PAFAH1B1: variants seen among roughly 807,000 people sequenced by gnomAD.
PAFAH1B1 encodes platelet-activating factor acetylhydrolase IB subunit beta.
A neutral mutation model predicts 57.5 loss-of-function variants in PAFAH1B1; 2 were observed. That is an observed-to-expected ratio of 0.03 (90% CI 0.01 to 0.11). The LOEUF (loss-of-function observed/expected upper bound fraction) is 0.11. Ranked by LOEUF, PAFAH1B1 falls within the 10% of genes least tolerant of loss-of-function variation. PAFAH1B1 has a pLI of 1.00. For missense variants in PAFAH1B1, 257 were observed against 512.0 expected (o/e 0.50, Z 4.81); for synonymous variants, 152 against 169.6 (o/e 0.90, Z 0.81).
intron 2 of PAFAH1B1, among the ~76,000 whole-genome samples, chr17:2,644,602 C>G (rs1241798361): frequency 6.6e-6 from 1 of 152,228 alleles, no homozygotes; most frequent in East Asian, 1.9e-4. Context: ...TCTACTTATA[C>G]CTTAATGTAT....
At chr17:2,626,820 T>C (rs2068500219) in intron 1 of PAFAH1B1, among the ~76,000 whole-genome samples, 1 of 152,132 alleles carries the variant, frequency 6.6e-6, no homozygotes, top group Non-Finnish European at 1.5e-5. Flanking sequence ...CCCAGAGTGC[T>C]GGGATTACAG....
intron 2 of PAFAH1B1, among the ~76,000 whole-genome samples, chr17:2,650,849 G>A (rs968345422): frequency 3.9e-5 from 6 of 152,050 alleles, no homozygotes; most frequent in Non-Finnish European, 7.4e-5. Context: ...GTTTTCTGTT[G>A]TAGTGTTTAC....
At chr17:2,667,547 T>A in intron 5 of PAFAH1B1, 1 of 323,234 alleles carries the variant, frequency 3.1e-6, no homozygotes, top group South Asian at 2.7e-5. Flanking sequence ...ACTAACTGAG[T>A]TGATGTCAGT....
At chr17:2,626,699 C>G (rs966275573) in intron 1 of PAFAH1B1, among the ~76,000 whole-genome samples, 1 of 151,586 alleles carries the variant, frequency 6.6e-6, no homozygotes, top group African/African-American at 2.4e-5. Context: ...GGATTACATG[C>G]GCGTGCCACC....
chr17:2,661,238 T>C (rs537147749), intron 2 of PAFAH1B1, among the ~76,000 whole-genome samples: 7 of 152,356 alleles, frequency 4.6e-5, no homozygotes, highest in African/African-American at 1.7e-4. Context: ...CAAGAAATCT[T>C]TGCCCATGCC....
intron 4 of PAFAH1B1, 137 bp downstream of exon 4, chr17:2,666,227 A>G (rs2069105491): frequency 2.3e-6 from 2 of 881,266 alleles, no homozygotes; most frequent in African/African-American, 3.4e-5. Flanking sequence ...GTGCTTCATG[A>G]AAAGTATGAC....
intron 5 of PAFAH1B1, among the ~76,000 whole-genome samples, chr17:2,668,882 A>C (rs965692009): frequency 1.3e-5 from 2 of 150,750 alleles, no homozygotes; most frequent in African/African-American, 4.9e-5. Flanking sequence ...AGGCTGAGTC[A>C]GGAGAATGGC....
chr17:2,667,807 A>T lies in PAFAH1B1; in HGVS notation c.399+609A>T, dbSNP rs566203497. On this transcript the variant is annotated intron_variant, in intron 5 of 10. Transcript: ENST00000397195. ...TATAAATTACGTATTTCATTAAAAA[A>T]TTTTTTTCACAGTAAAAATATTATT... Among the ~76,000 whole-genome samples the T allele has an allele frequency of 1.1e-4, 16 of 151,952 alleles. No homozygotes were observed. In the South Asian group the frequency reaches 1.5e-3, roughly 14 times the overall value.
At chr17:2,612,175 A>AT (rs2068274641) in intron 1 of PAFAH1B1, among the ~76,000 whole-genome samples, 1 of 150,826 alleles carries the variant, frequency 6.6e-6, no homozygotes, top group African/African-American at 2.4e-5. Context: ...AAAGCTTTGA[A>AT]TATTGAATAA....
At chr17:2,672,442 G>A (rs1294133090) in intron 6 of PAFAH1B1, among the ~76,000 whole-genome samples, 1 of 152,024 alleles carries the variant, frequency 6.6e-6, no homozygotes, top group African/African-American at 2.4e-5. Context: ...AATCCTAAAT[G>A]GAGTTGACTA....
Position 2,653,188 on chromosome 17 carries a change from C to T in PAFAH1B1, c.33-12184C>T, listed in dbSNP as rs550458502. 2.0e-5 allele frequency among the ~76,000 whole-genome samples: 3 copies of T among 152,220 alleles called. No homozygotes were observed. The South Asian group carries it at 6.2e-4, about 32-fold the overall frequency. On this transcript the variant is annotated intron_variant, in intron 2 of 10. Coordinates refer to ENST00000397195, the MANE Select transcript of PAFAH1B1 (RefSeq NM_000430.4). The stretch of plus-strand genomic sequence containing the variant: ...TGCAGGGACAAAAAACCAAACACCA[C>T]ATGTTCTCACTCATAGGTGGGAATT...
intron 6 of PAFAH1B1, among the ~76,000 whole-genome samples, chr17:2,671,568 CATT>C (rs1567558036): frequency 9.8e-6 from 1 of 102,468 alleles, no homozygotes; most frequent in African/African-American, 3.6e-5. Context: ...CTTTCTAATG[CATT>C]TTTTTTTTTT....
intron 2 of PAFAH1B1, among the ~76,000 whole-genome samples, chr17:2,663,701 A>ATTT (rs11396911): frequency 0.013 from 1,924 of 146,374 alleles, 43 homozygotes; most frequent in African/African-American, 0.046. Flanking sequence ...AATTCTCTGG[A>ATTT]TTTTTTTTTT....
At chr17:2,626,783 G>T (rs2068499786) in intron 1 of PAFAH1B1, among the ~76,000 whole-genome samples, 2 of 152,018 alleles carry the variant, frequency 1.3e-5, no homozygotes, top group Admixed American at 1.3e-4. Flanking sequence ...TTGAAGTCCA[G>T]ATCTTGTGAT....
chr17:2,654,343 T>C (rs2068908684), intron 2 of PAFAH1B1, among the ~76,000 whole-genome samples: 1 of 151,710 alleles, frequency 6.6e-6, no homozygotes, highest in African/African-American at 2.4e-5. Context: ...GCACGCACCA[T>C]CACTCCCAGC....
In PAFAH1B1 at chr17:2,684,759, T is replaced by C. The variant is rs1303791843; in HGVS notation, c.*2957T>C. ...AGAGCACTACTCTCAAAATCACTAG[T>C]GTTAGCAAGTCGTCCCGGGCTGGGG... On this transcript the variant is annotated 3_prime_UTR_variant, in exon 11 of 11. Transcript: ENST00000397195. The C allele has an allele frequency of 1.3e-5, 2 of 152,672 alleles. No homozygotes were observed. Among genetic ancestry groups the C allele is most frequent in the East Asian group, 3.9e-4 (2 of 5,180 alleles). 9.5% of individuals were successfully genotyped at this position (152,672 alleles called of 1,614,324 possible).
At chr17:2,655,909 A>G (rs1029604602) in intron 2 of PAFAH1B1, among the ~76,000 whole-genome samples, 1 of 151,996 alleles carries the variant, frequency 6.6e-6, no homozygotes, top group South Asian at 2.1e-4. Context: ...ATGGGATGCA[A>G]TTAGGTGGTT....
chr17:2,624,424 A>T (rs1029850022), intron 1 of PAFAH1B1, among the ~76,000 whole-genome samples: 1 of 152,182 alleles, frequency 6.6e-6, no homozygotes, highest in Non-Finnish European at 1.5e-5. Flanking sequence ...CATACCCGAA[A>T]CTGGGAACAA....
intron 8 of PAFAH1B1, among the ~76,000 whole-genome samples, chr17:2,675,814 C>T (rs929244277): frequency 6.6e-6 from 1 of 152,044 alleles, no homozygotes; most frequent in Admixed American, 6.6e-5. Flanking sequence ...GCACTCCAGC[C>T]TGGGTGACAG....
Sources: allele counts gnomAD v4.1 joint callset (sites outside exome capture counted in the v4.1 genomes callset), GRCh38; gene constraint gnomAD v4.1.1; transcripts MANE v1.5; gene names NCBI Gene and HGNC (gene_info 2026-07-23, HGNC 2026-07-21).